The following CLIP4 variants were observed in gnomAD, a reference collection of about 807,000 sequenced individuals.
CLIP4 encodes CAP-Gly domain-containing linker protein 4.
A neutral mutation model predicts 73.1 loss-of-function variants in CLIP4; 47 were observed. The observed-to-expected ratio is 0.64, with a 90% CI of 0.51 to 0.82. The LOEUF (loss-of-function observed/expected upper bound fraction) is 0.82. Ranked by LOEUF, CLIP4 falls within the 40% of genes least tolerant of loss-of-function variation. CLIP4 has a pLI of 0.00. For missense variants in CLIP4, 874 were observed against 852.9 expected (o/e 1.02, Z -0.31); for synonymous variants, 306 against 295.4 (o/e 1.04, Z -0.37).
At chr2:29,145,461 TC>T in intron 8 of CLIP4, 94 bp downstream of exon 8, 2 of 1,043,804 alleles carry the variant, frequency 1.9e-6, no homozygotes, top group African/African-American at 3.2e-5. Context: ...TCTCCTGATT[TC>T]TTATGTGATA....
chr2:29,118,797 G>A (rs763370135), intron 1 of CLIP4, among the ~76,000 whole-genome samples: 6 of 152,078 alleles, frequency 3.9e-5, no homozygotes, highest in African/African-American at 7.2e-5. Context: ...TGGGATTACA[G>A]GTGTGAGCCA....
intron 1 of CLIP4, among the ~76,000 whole-genome samples, chr2:29,116,043 G>A (rs917209956): frequency 6.6e-6 from 1 of 152,162 alleles, no homozygotes; most frequent in African/African-American, 2.4e-5. Context: ...TTTCCAACGC[G>A]GCCTCTTCCC....
At chr2:29,162,216 G>A (rs1038803969) in intron 12 of CLIP4, among the ~76,000 whole-genome samples, 8 of 152,120 alleles carry the variant, frequency 5.3e-5, no homozygotes, top group African/African-American at 1.9e-4. Context: ...AATTCCTAAT[G>A]TAAAGCATTT....
rs998538841 is a variant in CLIP4, at chr2:29,145,151, T to C, written c.886-81T>C. 5 of 1,230,408 alleles carry C rather than the reference T, an allele frequency of 4.1e-6. No homozygotes were observed. The South Asian group carries it at 6.2e-5, about 15-fold the overall frequency. The allele number at this position is 1,230,408 out of a possible 1,614,324, so 76.2% of individuals were successfully genotyped here. ...GAGAGTGAATTTTTAAAAACTCCCA[T>C]GGTGAAGTAAAGTTGCAAGAGTAGG... On this transcript the variant is annotated intron_variant, in intron 7 of 15. Transcript: ENST00000320081.
intron 15 of CLIP4, 88 bp from the exon 16 acceptor site, chr2:29,181,484 C>A: frequency 9.2e-7 from 1 of 1,089,790 alleles, no homozygotes; most frequent in Non-Finnish European, 1.3e-6. Context: ...TGAATGAATT[C>A]TGAATCTGGC....
chr2:29,117,403 G>T (rs1362046672), intron 1 of CLIP4, among the ~76,000 whole-genome samples: 1 of 151,480 alleles, frequency 6.6e-6, no homozygotes, highest in African/African-American at 2.4e-5. Context: ...CAGTGCAGTG[G>T]CCTGATCTCT....
intron 2 of CLIP4, among the ~76,000 whole-genome samples, chr2:29,124,584 C>T (rs79462963): frequency 9.9e-6 from 1 of 101,280 alleles, no homozygotes; most frequent in Non-Finnish European, 2.3e-5. Flanking sequence ...ATATTATAGA[C>T]TGCTTGAAGT....
intron 14 of CLIP4, among the ~76,000 whole-genome samples, chr2:29,168,472 T>A (rs1667771316): frequency 6.6e-6 from 1 of 151,346 alleles, no homozygotes; most frequent in African/African-American, 2.4e-5. Flanking sequence ...AGCTCCTTAA[T>A]TTTTTGTAGT....
intron 2 of CLIP4, among the ~76,000 whole-genome samples, chr2:29,124,871 A>G (rs1664495634): frequency 6.6e-6 from 1 of 152,154 alleles, no homozygotes; most frequent in African/African-American, 2.4e-5. Context: ...GTTAATTATA[A>G]TATCCATGTC....
chr2:29,167,338 A>G, intron 13 of CLIP4, 138 bp from the exon 14 acceptor site: 1 of 474,424 alleles, frequency 2.1e-6, no homozygotes, highest in Middle Eastern at 3.1e-4. Context: ...ATGGAAGTTC[A>G]TTCCTGGCTT....
upstream of CLIP4, chr2:29,115,318 G>C (rs1663698667): frequency 6.6e-6 from 1 of 152,076 alleles, no homozygotes; most frequent in South Asian, 2.1e-4. The surrounding 1 kb of genome is among the most constrained non-coding windows in gnomAD (Gnocchi z 5.1). Flanking sequence ...GCTGTCAGCC[G>C]GGGTCGCGGC....
At chr2:29,125,191 T>C (rs2148471688) in intron 2 of CLIP4, among the ~76,000 whole-genome samples, 1 of 152,298 alleles carries the variant, frequency 6.6e-6, no homozygotes, top group South Asian at 2.1e-4. Flanking sequence ...GGCTACGGAC[T>C]GGTACTGGTC....
intron 15 of CLIP4, among the ~76,000 whole-genome samples, chr2:29,179,251 C>T (rs191009987): frequency 1.3e-5 from 2 of 152,220 alleles, no homozygotes; most frequent in East Asian, 3.9e-4. Context: ...ACTTTTTAAT[C>T]ACATGTAAAA....
chr2:29,169,047 A>G (rs578020236), intron 14 of CLIP4, among the ~76,000 whole-genome samples: 1 of 152,000 alleles, frequency 6.6e-6, no homozygotes, highest in African/African-American at 2.4e-5. Context: ...GTTGAGATTA[A>G]TTTTATGGCC....
At chr2:29,141,823 T>C (rs1024684065) in intron 6 of CLIP4, among the ~76,000 whole-genome samples, 28 of 152,172 alleles carry the variant, frequency 1.8e-4, no homozygotes, top group African/African-American at 6.5e-4. Context: ...TCAGGGTTAA[T>C]ATTGATATGT....
rs944533170 is a variant in CLIP4 at position 29,115,900 on chromosome 2, C to T, written c.-16+235C>T. 3.9e-5 allele frequency among the ~76,000 whole-genome samples: 6 copies of T among 152,074 alleles called. No individual in the cohort carries two copies. The highest frequency in any genetic ancestry group is 4.1e-4 in the South Asian group (2 of 4,832). On this transcript the variant is annotated intron_variant, in intron 1 of 15. Transcript: ENST00000320081. This position sits in a 1 kb window ranked among gnomAD's most constrained non-coding sequence, Gnocchi z 5.1. ...CCACCCGGCGGGGATGGGGACTCCT[C>T]GTGGCGGCCGCTGACGGACGGCCCA... is the stretch of plus-strand genomic sequence containing the variant.
intron 8 of CLIP4, 107 bp downstream of exon 8, chr2:29,145,474 A>G: frequency 1.1e-6 from 1 of 895,932 alleles, no homozygotes; most frequent in Non-Finnish European, 1.7e-6. Flanking sequence ...TATGTGATAA[A>G]TGAGGGGCAT....
chr2:29,181,542 T>C, intron 15 of CLIP4, 30 bp from the exon 16 acceptor site: 1 of 1,527,338 alleles, frequency 6.5e-7, no homozygotes, highest in Non-Finnish European at 8.8e-7. Context: ...CAGCACTAAA[T>C]AATTTTTCCC....
rs796180363 is a variant in CLIP4, at chr2:29,107,358, GTT to G, written c.-16+9441_-16+9442del. On this transcript the variant is annotated intron_variant, in intron 1 of 14. Transcript: ENST00000401605. ...ATTTCTAAATTCCTGGAACATGATA[GTT>G]TTTTTTTTTTTTTTTTTTTTTTTTT... is the stretch of plus-strand genomic sequence containing the variant. Among the ~76,000 whole-genome samples the G allele has an allele frequency of 2.9e-3, 187 of 65,344 alleles. 4 individuals are homozygous for G. The highest frequency in any genetic ancestry group is 9.5e-3 in the African/African-American group (183 of 19,208). The allele number at this position is 65,344 out of a possible 152,430, so 42.9% of individuals were successfully genotyped here.
Sources: gnomAD v4.1 joint callset for allele counts (sites outside exome capture counted in the v4.1 genomes callset) on GRCh38, gnomAD v4.1.1 for gene constraint, Gnocchi (gnomAD v3.1) non-coding constraint, MANE v1.5 for transcripts, NCBI Gene and HGNC (gene_info 2026-07-23, HGNC 2026-07-21) for gene names.